The following PRR5L variants were observed in gnomAD, a reference collection of about 807,000 sequenced individuals.
PRR5L encodes proline-rich protein 5-like.
In PRR5L, 21 loss-of-function variants were observed where a neutral mutation model predicts 36.4. That is an observed-to-expected ratio of 0.58 (90% CI 0.41 to 0.83). The LOEUF (loss-of-function observed/expected upper bound fraction) is 0.83. Ranked by LOEUF, PRR5L falls within the 40% of genes least tolerant of loss-of-function variation. The pLI is 0.00. For synonymous variants in PRR5L, 188 were observed against 197.0 expected (o/e 0.95, Z 0.38); for missense variants, 381 against 473.3 (o/e 0.80, Z 1.81).
chr11:36,322,075 A>G (rs1022224821), intron 1 of PRR5L, among the ~76,000 whole-genome samples: 11 of 152,198 alleles, frequency 7.2e-5, no homozygotes, highest in African/African-American at 2.2e-4. Flanking sequence ...AACCCATAAC[A>G]GTCTCCCCAG....
intron 1 of PRR5L, among the ~76,000 whole-genome samples, chr11:36,299,289 G>A (rs905425778): frequency 4.6e-5 from 7 of 152,156 alleles, no homozygotes; most frequent in Non-Finnish European, 1.0e-4. Flanking sequence ...ACATGATTCA[G>A]ACATCAGCCC....
rs1485349177 is a variant in PRR5L, at chr11:36,462,723, C to T, written c.1094C>T (p.Ala365Val). The change falls in exon 9 of 9, where the codon GCT becomes GTT. Residue 365 changes from alanine (A) to valine (V), a missense_variant. Coordinates refer to ENST00000530639, the MANE Select transcript of PRR5L (RefSeq NM_001160167.2). ...GSQEGSELNC[A>V]SLS The stretch of plus-strand genomic sequence containing the variant: ...CAGGAGGGCTCGGAGCTGAACTGTG[C>T]TTCCCTCAGCTGAGTCGCCACCCCT... The T allele has an allele frequency of 6.4e-7, 1 of 1,555,366 alleles. No individual in the cohort carries two copies. The highest frequency in any genetic ancestry group is 1.4e-5 in the African/African-American group (1 of 73,696).
chr11:36,374,373 G>A (rs1055588726), intron 1 of PRR5L, among the ~76,000 whole-genome samples: 3 of 151,930 alleles, frequency 2.0e-5, no homozygotes, highest in East Asian at 1.9e-4. Context: ...GATTACAGGC[G>A]TGAGCCACCA....
intron 1 of PRR5L, among the ~76,000 whole-genome samples, chr11:36,312,168 C>T (rs1055367810): frequency 3.3e-5 from 5 of 152,018 alleles, no homozygotes; most frequent in African/African-American, 2.4e-5. Context: ...TTGAGAAGCA[C>T]GTAAATATAT....
At chr11:36,456,797 A>G (rs938153420) in intron 8 of PRR5L, among the ~76,000 whole-genome samples, 1 of 152,260 alleles carries the variant, frequency 6.6e-6, no homozygotes, top group African/African-American at 2.4e-5. Context: ...TGCCCCTGAC[A>G]TGTGAACATA....
At chr11:36,432,426 T>C (rs1858520270) in intron 5 of PRR5L, among the ~76,000 whole-genome samples, 1 of 152,146 alleles carries the variant, frequency 6.6e-6, no homozygotes, top group South Asian at 2.1e-4. Flanking sequence ...TCTTAGAGTT[T>C]AAAGTCCAAC....
chr11:36,358,874 C>T (rs1342250175), intron 1 of PRR5L, among the ~76,000 whole-genome samples: 2 of 152,142 alleles, frequency 1.3e-5, no homozygotes, highest in Non-Finnish European at 2.9e-5. Context: ...ATCTGGGAGG[C>T]GATAGTGCTC....
chr11:36,420,492 T>C lies in PRR5L; in HGVS notation c.294+1189T>C, dbSNP rs143921399. On this transcript the variant is annotated intron_variant, in intron 4 of 8. Coordinates refer to ENST00000530639, the MANE Select transcript of PRR5L (RefSeq NM_001160167.2). The stretch of plus-strand genomic sequence containing the variant: ...ACAGCAGTAATAGGACCAAACCTTA[T>C]AGGGTTGTCGTGAAGACTAAATAAG... Among the ~76,000 whole-genome samples the C allele has an allele frequency of 2.6e-4, 40 of 152,268 alleles. 1 individual carries two copies. The East Asian group carries it at 7.3e-3, about 28-fold the overall frequency.
At chr11:36,416,822 T>G (rs201029051) in intron 3 of PRR5L, among the ~76,000 whole-genome samples, 1 of 40,350 alleles carries the variant, frequency 2.5e-5, no homozygotes, top group African/African-American at 4.9e-5. Flanking sequence ...CCCTCCCTGA[T>G]AGGAGGGGAG....
intron 1 of PRR5L, among the ~76,000 whole-genome samples, chr11:36,347,133 G>A (rs547052551): frequency 6.6e-6 from 1 of 152,278 alleles, no homozygotes; most frequent in East Asian, 1.9e-4. Flanking sequence ...TTACCTTGGG[G>A]AGAAAAAGGG....
chr11:36,382,776 C>T (rs572471654), intron 1 of PRR5L, among the ~76,000 whole-genome samples: 21 of 152,314 alleles, frequency 1.4e-4, no homozygotes, highest in African/African-American at 5.1e-4. Context: ...CAAAAAGTGT[C>T]TCCAGGCAGT....
At chr11:36,415,573 A>G (rs959777373) in intron 3 of PRR5L, among the ~76,000 whole-genome samples, 4 of 152,188 alleles carry the variant, frequency 2.6e-5, no homozygotes, top group Non-Finnish European at 5.9e-5. Flanking sequence ...GTGAAACCCT[A>G]TCTCTACCAA....
rs2133483252 is a variant in PRR5L, at chr11:36,344,794, AG to A, written c.-126+48358del. ...ACTGAGAATGAACTGACCAGCCATC[AG>A]GTTTAATTAGTGCTACTTTTCTGAC... On this transcript the variant is annotated intron_variant, in intron 1 of 8. Coordinates refer to ENST00000530639, the MANE Select transcript of PRR5L (RefSeq NM_001160167.2). This position sits in a 1 kb window ranked among gnomAD's most constrained non-coding sequence, Gnocchi z 4.1. 6.6e-6 allele frequency among the ~76,000 whole-genome samples: 1 copy of A among 152,362 alleles called. No individual in the cohort carries two copies. The highest frequency in any genetic ancestry group is 2.4e-5 in the African/African-American group (1 of 41,586).
intron 1 of PRR5L, among the ~76,000 whole-genome samples, chr11:36,391,896 C>T (rs759557696): frequency 4.6e-5 from 7 of 152,190 alleles, no homozygotes; most frequent in Non-Finnish European, 7.3e-5. Flanking sequence ...TGTGCTATCA[C>T]GTACAAGATC....
chr11:36,302,824 G>T (rs946520063), intron 1 of PRR5L, among the ~76,000 whole-genome samples: 5 of 152,100 alleles, frequency 3.3e-5, no homozygotes, highest in African/African-American at 9.7e-5. Flanking sequence ...AAAGATGCTG[G>T]CTCACGTGTG....
chr11:36,315,502 CTTACTAATAA>C (rs1856546436), intron 1 of PRR5L, among the ~76,000 whole-genome samples: 1 of 152,208 alleles, frequency 6.6e-6, no homozygotes, highest in African/African-American at 2.4e-5. Context: ...AGTCCATAAA[CTTACTAATAA>C]TTGTCTCTTG....
chr11:36,423,237 G>T (rs190493546), intron 4 of PRR5L, among the ~76,000 whole-genome samples: 36 of 152,282 alleles, frequency 2.4e-4, no homozygotes, highest in Non-Finnish European at 4.0e-4. Context: ...AGATACATTT[G>T]TGTGCATGTA....
intron 1 of PRR5L, among the ~76,000 whole-genome samples, chr11:36,310,995 CAA>C (rs59947428): frequency 7.9e-5 from 7 of 88,402 alleles, no homozygotes; most frequent in African/African-American, 2.4e-4. Flanking sequence ...ACTCCGTCTC[CAA>C]AAAAAAAAAA....
At chr11:36,424,915 G>A (rs763243784) in intron 4 of PRR5L, among the ~76,000 whole-genome samples, 4 of 151,916 alleles carry the variant, frequency 2.6e-5, no homozygotes, top group African/African-American at 4.8e-5. Context: ...TCCGCCTCCC[G>A]GATTCAAGTG....
Sources: allele counts gnomAD v4.1 joint callset (sites outside exome capture counted in the v4.1 genomes callset), GRCh38; gene constraint gnomAD v4.1.1; non-coding constraint Gnocchi (gnomAD v3.1); transcripts MANE v1.5; gene names NCBI Gene and HGNC (gene_info 2026-07-23, HGNC 2026-07-21).